PDZD7: variants seen among roughly 807,000 people sequenced by gnomAD.
PDZD7 encodes PDZ domain containing 7, also known as PDZ domain-containing protein 7.
PDZD7 carries 72 observed loss-of-function variants against 84.7 expected under a neutral mutation model. The ratio of observed to expected loss-of-function variants is 0.85; its 90% confidence interval spans 0.70 to 1.03. PDZD7 has a LOEUF of 1.03. Ranked by LOEUF, PDZD7 falls within the 50% of genes least tolerant of loss-of-function variation. PDZD7 has a pLI of 0.00. For synonymous variants in PDZD7, 594 were observed against 580.7 expected (o/e 1.02, Z -0.33); for missense variants, 1,490 against 1,412.9 (o/e 1.05, Z -0.87).
intron 11 of PDZD7, among the ~76,000 whole-genome samples, chr10:101,015,009 C>T (rs1852548850): frequency 6.6e-6 from 1 of 152,258 alleles, no homozygotes; most frequent in Non-Finnish European, 1.5e-5. Context: ...GCCTCCCCAA[C>T]AGGTGGGCCC....
At chr10:101,026,663 T>TCA (rs3051194) in intron 2 of PDZD7, among the ~76,000 whole-genome samples, 36,169 of 123,464 alleles carry the variant, frequency 0.29, 5,567 homozygotes, top group Non-Finnish European at 0.34. Flanking sequence ...CAGGGAGAAA[T>TCA]CACACACACA....
rs545307027 is a variant in PDZD7 at position 101,018,203 on chromosome 10, T to A, written c.1418A>T (p.Lys473Met). The A allele has an allele frequency of 2.3e-5, 37 of 1,614,208 alleles. No individual in the cohort carries two copies. In the East Asian group the frequency reaches 8.0e-4, roughly 35 times the overall value. ...CGCTAGCCTCCCCTGCCGCCCTCCC[T>A]TGAAGAAGAGGTTCATCAGCGTCTT... ...RSKTLMNLFF[K>M]GGRQGRLARD... Residue 473 changes from lysine to methionine, a missense_variant, in exon 9 of 17, where the codon AAG becomes ATG. Transcript: ENST00000619208.
At chr10:101,017,255 C>G (rs1852670043) in intron 9 of PDZD7, 1 of 226,208 alleles carries the variant, frequency 4.4e-6, no homozygotes, top group South Asian at 1.2e-4. Flanking sequence ...CATCTTACCC[C>G]CAGGTGGGCA....
intron 11 of PDZD7, among the ~76,000 whole-genome samples, chr10:101,013,854 T>TC (rs905797235): frequency 2.7e-5 from 4 of 149,076 alleles, no homozygotes; most frequent in East Asian, 3.9e-4. Flanking sequence ...TTTCTTTCTT[T>TC]TTTTTTTTTT....
At chr10:101,022,502 G>T in intron 4 of PDZD7, 117 bp from the exon 5 acceptor site, 2 of 1,179,548 alleles carry the variant, frequency 1.7e-6, no homozygotes, top group Non-Finnish European at 1.2e-6. Flanking sequence ...GACTCCCCAG[G>T]CCTGAGACCT....
At chr10:101,010,218 C>G (rs959544851) in intron 15 of PDZD7, 54 bp downstream of exon 15, 17 of 1,467,812 alleles carry the variant, frequency 1.2e-5, no homozygotes, top group East Asian at 5.0e-5. Context: ...GATTCTTTTC[C>G]TAGGCCCAGG....
chr10:101,017,883 GAAAGAAAGAAAAGAAAGAA>G, intron 9 of PDZD7, 197 bp downstream of exon 9: 2 of 236,020 alleles, frequency 8.5e-6, no homozygotes, highest in Non-Finnish European at 1.6e-5. Context: ...AAGAAAGAAA[GAAAGAAAGAAAAGAAAGAA>G]AGAAAGAAAG....
At chr10:101,028,635 T>C (rs978175726) in intron 2 of PDZD7, among the ~76,000 whole-genome samples, 1 of 150,246 alleles carries the variant, frequency 6.7e-6, no homozygotes, top group African/African-American at 2.4e-5. Flanking sequence ...TAAACAGCGC[T>C]TGCATCATAC....
At position 101,012,228 on chromosome 10, in the gene PDZD7, C is replaced by T; in HGVS notation, c.1780G>A (p.Val594Met). Residue 594 changes from valine (V) to methionine (M), a missense_variant, in exon 12 of 17, where the codon GTG becomes ATG. Val to Met is a conservative substitution (Grantham distance 21). Transcript: ENST00000619208. The stretch of plus-strand genomic sequence containing the variant: ...TCGAGGATGGCCAGCAGGGGCCTCA[C>T]CAGGTCCTCTATGCCTCCCTCGTGC... ...YVHEGGIEDL[V>M]RPLLAILDRP... The T allele has an allele frequency of 6.4e-7, 1 of 1,550,394 alleles. No individual in the cohort carries two copies. Among genetic ancestry groups the T allele is most frequent in the Non-Finnish European group, 8.7e-7 (1 of 1,146,988 alleles).
intron 4 of PDZD7, 93 bp from the exon 5 acceptor site, chr10:101,022,478 G>A: frequency 2.0e-6 from 3 of 1,513,472 alleles, no homozygotes; most frequent in Non-Finnish European, 2.7e-6. Context: ...GGAAAGTGGG[G>A]GTTGCCTTTG....
intron 4 of PDZD7, 97 bp from the exon 5 acceptor site, chr10:101,022,482 G>A (rs1211110028): frequency 1.4e-6 from 2 of 1,463,232 alleles, no homozygotes; most frequent in East Asian, 2.4e-5. Flanking sequence ...AGTGGGGGTT[G>A]CCTTTGGGGG....
intron 1 of PDZD7, 107 bp from the exon 2 acceptor site, chr10:101,030,491 T>C: frequency 1.6e-6 from 1 of 608,968 alleles, no homozygotes. Context: ...TCCCATGCCT[T>C]AGGCCCCCCT....
In PDZD7 at chr10:101,022,301, G is replaced by T. The variant is rs140494396; in HGVS notation, c.627C>A (p.Arg209=). The T allele has an allele frequency of 4.3e-6, 7 of 1,614,110 alleles. No individual in the cohort carries two copies. The highest frequency in any genetic ancestry group is 1.7e-5 in the Admixed American group (1 of 60,008). ...CGGAGGTTGTGTATAGGTGGACGAT[G>T]CGCCGGACACCATCTTCTGAGCTGG... ...SDTSSEDGVR[R]IVHLYTTSDD... The change falls in exon 5 of 17, where the codon CGC becomes CGA. Residue 209 remains arginine, a synonymous_variant. Coordinates refer to ENST00000619208, the MANE Select transcript of PDZD7 (RefSeq NM_001195263.2).
chr10:101,026,471 T>G (rs1331411697), intron 2 of PDZD7, among the ~76,000 whole-genome samples: 13 of 148,782 alleles, frequency 8.7e-5, no homozygotes, highest in East Asian at 2.0e-4. Flanking sequence ...ATGGGTGGGA[T>G]TTTGATGGGT....
rs983302854 is a variant in PDZD7, at chr10:101,018,866, G to T, written c.1280C>A (p.Pro427His). 5 of 1,603,116 alleles carry T rather than the reference G, an allele frequency of 3.1e-6. No individual in the cohort carries two copies. In the Admixed American group the frequency reaches 5.1e-5, roughly 16 times the overall value. ...CTGGGAGCGCGTGATGGGGGGCCGG[G>T]GTCGGCTGAGGGCCAGCAGCAAAGC... ...KTALLLALSR[P>H]RPPITRSQSY... Residue 427 changes from proline to histidine, a missense_variant, in exon 8 of 17, where the codon CCC (proline) becomes CAC (histidine). Pro to His is a moderately conservative substitution (Grantham distance 77). Coordinates refer to ENST00000619208, the MANE Select transcript of PDZD7 (RefSeq NM_001195263.2).
chr10:101,015,799 C>T lies in PDZD7; in HGVS notation c.1586G>A (p.Gly529Asp). The part of the protein sequence containing the change: ...TWRLRRDQER[G>D]RALLSARSGS... ...AGACCTGGCAGACAGCAGGGCCCGG[C>T]CCCTCTCCTGGTCTGCAGGGCAGGA... is the stretch of plus-strand genomic sequence containing the variant. The change falls in exon 11 of 17, where the codon GGC becomes GAC. Residue 529 changes from glycine to aspartate, a missense_variant. Gly to Asp is a moderately conservative substitution (Grantham distance 94, BLOSUM62 -1). Coordinates refer to ENST00000619208, the MANE Select transcript of PDZD7 (RefSeq NM_001195263.2). The T allele has an allele frequency of 1.3e-6, 2 of 1,548,582 alleles. No homozygotes were observed. Among genetic ancestry groups the T allele is most frequent in the Non-Finnish European group, 1.7e-6 (2 of 1,146,394 alleles).
chr10:101,008,051 T>TG lies in PDZD7; in HGVS notation c.*415dup. 5.1e-6 allele frequency: 1 copy of TG among 197,150 alleles called. No homozygotes were observed. The highest frequency in any genetic ancestry group is 1.0e-5 in the Non-Finnish European group (1 of 96,856). The allele number at this position is 197,150 out of a possible 1,614,324, so 12.2% of individuals were successfully genotyped here. A position where few individuals can be genotyped will look rare whatever the true frequency, so the allele number is the denominator to read the frequency against. On this transcript the variant is annotated 3_prime_UTR_variant, in exon 17 of 17. Coordinates refer to ENST00000619208, the MANE Select transcript of PDZD7 (RefSeq NM_001195263.2). ...TAGAAAAGCCTTTCATCCGTTTCCTTGCACAGAATGCTGCTTGGGGTTGAG... is the reference window on the plus strand; with the variant it reads ...TAGAAAAGCCTTTCATCCGTTTCCTTGGCACAGAATGCTGCTTGGGGTTGAG...
chr10:101,014,784 C>G (rs1221609674), intron 11 of PDZD7, among the ~76,000 whole-genome samples: 1 of 152,180 alleles, frequency 6.6e-6, no homozygotes, highest in African/African-American at 2.4e-5. Flanking sequence ...CACAGACACG[C>G]CAGTGCACAC....
intron 5 of PDZD7, 104 bp downstream of exon 5, chr10:101,022,105 T>A: frequency 6.4e-7 from 1 of 1,553,612 alleles, no homozygotes; most frequent in Admixed American, 1.8e-5. Context: ...AGACAGGTGG[T>A]TGGCCAGGCC....
Sources: gnomAD v4.1 joint callset for allele counts (sites outside exome capture counted in the v4.1 genomes callset) on GRCh38, gnomAD v4.1.1 for gene constraint, MANE v1.5 for transcripts, NCBI Gene and HGNC (gene_info 2026-07-23, HGNC 2026-07-21) for gene names.